Variants in LRRTM4 observed in about 807,000 individuals in gnomAD.
LRRTM4 encodes leucine rich repeat transmembrane neuronal 4.
LRRTM4 carries 25 observed loss-of-function variants against 47.6 expected under a neutral mutation model. That is an observed-to-expected ratio of 0.53 (90% CI 0.38 to 0.73). LRRTM4 has a LOEUF of 0.73. Ranked by LOEUF, LRRTM4 falls within the 30% of genes least tolerant of loss-of-function variation. LRRTM4 has a pLI of 0.00. For synonymous variants in LRRTM4, 311 were observed against 269.5 expected (o/e 1.15, Z -1.51); for missense variants, 638 against 713.4 (o/e 0.89, Z 1.20).
chr2:76,809,975 C>T (rs1558669313), intron 3 of LRRTM4, among the ~76,000 whole-genome samples: 1 of 152,276 alleles, frequency 6.6e-6, no homozygotes, highest in South Asian at 2.1e-4. Context: ...AAAAAAAATT[C>T]ATCAGCTGTG....
At chr2:77,023,727 C>T (rs994644850) in intron 3 of LRRTM4, among the ~76,000 whole-genome samples, 17 of 152,094 alleles carry the variant, frequency 1.1e-4, no homozygotes, top group African/African-American at 3.6e-4. Flanking sequence ...CCTCAACCAG[C>T]ATTTTGGTCA....
Position 77,345,776 on chromosome 2 carries a change from G to A in LRRTM4, c.1551+172542C>T, listed in dbSNP as rs577227037. ...AAAGTTAAATATACATTCACCATAT[G>A]AATTTGTGATCTCACTGTCAGATAT... is the stretch of plus-strand genomic sequence containing the variant. On this transcript the variant is annotated intron_variant, in intron 3 of 3. Transcript: ENST00000409884. Among the ~76,000 whole-genome samples, 499 of 151,178 alleles carry A rather than the reference G, an allele frequency of 3.3e-3. 4 individuals are homozygous for A. Among genetic ancestry groups the A allele is most frequent in the African/African-American group, 0.012 (482 of 41,174 alleles).
intron 3 of LRRTM4, among the ~76,000 whole-genome samples, chr2:76,870,454 G>A (rs1414734644): frequency 6.6e-6 from 1 of 151,814 alleles, no homozygotes; most frequent in Non-Finnish European, 1.5e-5. Context: ...AAATACTGGG[G>A]GAAAAAAGGA....
chr2:76,942,273 A>G (rs1675170663), intron 3 of LRRTM4, among the ~76,000 whole-genome samples: 2 of 152,076 alleles, frequency 1.3e-5, no homozygotes, highest in Non-Finnish European at 2.9e-5. Flanking sequence ...GTTCACTCTG[A>G]TGATAGTTTC....
chr2:77,425,042 T>G (rs912441248), intron 3 of LRRTM4, among the ~76,000 whole-genome samples: 10 of 152,162 alleles, frequency 6.6e-5, no homozygotes, highest in African/African-American at 2.4e-4. Context: ...ATTAAAAAAC[T>G]ATTCCAATTA....
At chr2:77,489,067 C>T (rs1678037553) in intron 3 of LRRTM4, among the ~76,000 whole-genome samples, 1 of 151,966 alleles carries the variant, frequency 6.6e-6, no homozygotes, top group African/African-American at 2.4e-5. Context: ...CAAACCATTA[C>T]CAAAAACCTA....
At chr2:77,305,004 A>G (rs1677235453) in intron 3 of LRRTM4, among the ~76,000 whole-genome samples, 1 of 152,046 alleles carries the variant, frequency 6.6e-6, no homozygotes, top group Non-Finnish European at 1.5e-5. Context: ...TCATTCATTC[A>G]TTGTAGATTA....
chr2:77,414,974 C>A (rs1376473226), intron 3 of LRRTM4, among the ~76,000 whole-genome samples: 1 of 152,032 alleles, frequency 6.6e-6, no homozygotes, highest in Non-Finnish European at 1.5e-5. Context: ...GAGAAGATAG[C>A]CTCTAATGTC....
At chr2:77,232,761 A>G (rs1675000919) in intron 3 of LRRTM4, among the ~76,000 whole-genome samples, 1 of 152,246 alleles carries the variant, frequency 6.6e-6, no homozygotes, top group Non-Finnish European at 1.5e-5. Context: ...TTCTATTACT[A>G]AATTAGAACT....
intron 3 of LRRTM4, among the ~76,000 whole-genome samples, chr2:77,339,553 C>T (rs1671292468): frequency 6.6e-6 from 1 of 151,856 alleles, no homozygotes; most frequent in Non-Finnish European, 1.5e-5. Flanking sequence ...TATATTAGTG[C>T]CTTCAATTAG....
intron 3 of LRRTM4, among the ~76,000 whole-genome samples, chr2:77,013,336 A>T (rs1249467318): frequency 6.6e-6 from 1 of 152,114 alleles, no homozygotes; most frequent in Non-Finnish European, 1.5e-5. Context: ...GGAGAAAGTG[A>T]TTGTCATTCT....
chr2:77,266,423 T>C (rs1254808136), intron 3 of LRRTM4, among the ~76,000 whole-genome samples: 1 of 151,052 alleles, frequency 6.6e-6, no homozygotes, highest in Non-Finnish European at 1.5e-5. Flanking sequence ...ATACCAAAAG[T>C]GAAAGTAAGA....
At chr2:76,853,725 A>C (rs569735050) in intron 3 of LRRTM4, among the ~76,000 whole-genome samples, 1 of 152,320 alleles carries the variant, frequency 6.6e-6, no homozygotes, top group East Asian at 1.9e-4. Context: ...ACAATATATC[A>C]CAAAAGGTGT....
intron 3 of LRRTM4, among the ~76,000 whole-genome samples, chr2:77,336,963 G>C (rs1671190620): frequency 6.6e-6 from 1 of 152,022 alleles, no homozygotes. Flanking sequence ...ACTAGACATA[G>C]AGCACTCAAG....
chr2:77,317,211 A>G (rs908321186), intron 3 of LRRTM4, among the ~76,000 whole-genome samples: 2 of 152,204 alleles, frequency 1.3e-5, no homozygotes, highest in Non-Finnish European at 2.9e-5. Context: ...GGGTTCTAAA[A>G]TAACATATGA....
At chr2:76,979,878 A>T (rs1457461605) in intron 3 of LRRTM4, among the ~76,000 whole-genome samples, 1 of 151,906 alleles carries the variant, frequency 6.6e-6, no homozygotes, top group Non-Finnish European at 1.5e-5. Context: ...TTACTATAAT[A>T]ACTTCTTTTC....
chr2:77,016,029 C>T (rs149805785), intron 3 of LRRTM4, among the ~76,000 whole-genome samples: 3,132 of 152,046 alleles, frequency 0.021, 114 homozygotes, highest in African/African-American at 0.072. Context: ...TGCAGTGAGC[C>T]GAGATCACGC....
chr2:77,335,391 A>G (rs753202537), intron 3 of LRRTM4, among the ~76,000 whole-genome samples: 2 of 152,176 alleles, frequency 1.3e-5, no homozygotes, highest in Non-Finnish European at 2.9e-5. Context: ...ATCCTTCAAC[A>G]AACAAGCATG....
At chr2:76,997,473 C>G (rs890326079) in intron 3 of LRRTM4, among the ~76,000 whole-genome samples, 70 of 152,216 alleles carry the variant, frequency 4.6e-4, no homozygotes, top group African/African-American at 1.6e-3. Context: ...AAATATGAAT[C>G]TGAAACCCTA....
Sources: gnomAD v4.1 joint callset for allele counts (sites outside exome capture counted in the v4.1 genomes callset) on GRCh38, gnomAD v4.1.1 for gene constraint, MANE v1.5 for transcripts, NCBI Gene and HGNC (gene_info 2026-07-23, HGNC 2026-07-21) for gene names.